ARHGEF28: variants seen among roughly 807,000 people sequenced by gnomAD.
ARHGEF28 encodes the protein 190 kDa guanine nucleotide exchange factor.
In ARHGEF28, 152 loss-of-function variants were observed where a neutral mutation model predicts 206.6. The ratio of observed to expected loss-of-function variants is 0.74; its 90% CI spans 0.64 to 0.84. ARHGEF28 has a LOEUF of 0.84. Ranked by LOEUF, ARHGEF28 falls within the 40% of genes least tolerant of loss-of-function variation. The pLI is 0.00. For synonymous variants in ARHGEF28, 763 were observed against 776.4 expected (o/e 0.98, Z 0.29); for missense variants, 2,028 against 2,073.2 (o/e 0.98, Z 0.42).
At chr5:73,640,303 T>C (rs908721807) in intron 1 of ARHGEF28, among the ~76,000 whole-genome samples, 5 of 152,200 alleles carry the variant, frequency 3.3e-5, no homozygotes, top group African/African-American at 1.2e-4. Context: ...ATAAGCAATA[T>C]ATGAATAGTT....
intron 1 of ARHGEF28, among the ~76,000 whole-genome samples, chr5:73,668,586 A>G (rs1462233613): frequency 6.6e-6 from 1 of 152,160 alleles, no homozygotes; most frequent in East Asian, 1.9e-4. Flanking sequence ...TAAGTTTCCA[A>G]CCCATGCTTT....
intron 4 of ARHGEF28, among the ~76,000 whole-genome samples, chr5:73,769,749 A>T (rs1397938051): frequency 6.6e-6 from 1 of 152,188 alleles, no homozygotes; most frequent in African/African-American, 2.4e-5. Context: ...GGGTTGTAAC[A>T]GTTTACATTT....
chr5:73,818,526 A>AC, intron 9 of ARHGEF28, among the ~76,000 whole-genome samples: 1 of 152,284 alleles, frequency 6.6e-6, no homozygotes, highest in African/African-American at 2.4e-5. Flanking sequence ...AGAAATCCTT[A>AC]TTAAGGAAGG....
chr5:73,923,395 T>C (rs1763627723), intron 35 of ARHGEF28, among the ~76,000 whole-genome samples: 1 of 152,234 alleles, frequency 6.6e-6, no homozygotes, highest in Admixed American at 6.5e-5. Flanking sequence ...ATCTGAACTC[T>C]GTCGGCTGGA....
rs199745400 is a variant in ARHGEF28 at position 73,926,035 on chromosome 5, T to G, written c.4948+14460T>G. 1.2e-4 allele frequency among the ~76,000 whole-genome samples: 19 copies of G among 152,230 alleles called. No homozygotes were observed. In the East Asian group the frequency reaches 3.7e-3, roughly 29 times the overall value. ...TGTGCAACAGCTTTATACTGTGAAA[T>G]AGTGATTGTCCTGACTACAAACCTC... On this transcript the variant is annotated intron_variant, in intron 35 of 35. Coordinates refer to ENST00000513042, the MANE Select transcript of ARHGEF28 (RefSeq NM_001177693.2).
rs1422145802 is a variant in ARHGEF28, at chr5:73,811,932, G to A, written c.1024+16541G>A. The stretch of plus-strand genomic sequence containing the variant: ...CAGGAGGCAGAGGTTGCAATGAGCC[G>A]AGATCCTGCCACTGTACTCCAGCCT... On this transcript the variant is annotated intron_variant, in intron 9 of 35. Coordinates refer to ENST00000513042, the MANE Select transcript of ARHGEF28 (RefSeq NM_001177693.2). Among the ~76,000 whole-genome samples the A allele has an allele frequency of 5.4e-5, 8 of 147,344 alleles. No homozygotes were observed. The Admixed American group carries it at 5.5e-4, about 10-fold the overall frequency.
chr5:73,636,203 C>T (rs1202372212), intron 1 of ARHGEF28, among the ~76,000 whole-genome samples: 3 of 152,110 alleles, frequency 2.0e-5, no homozygotes, highest in Non-Finnish European at 4.4e-5. Context: ...CTATAGATAA[C>T]TTAGGTTGTT....
chr5:73,718,745 C>T (rs1370205476), intron 2 of ARHGEF28, among the ~76,000 whole-genome samples: 2 of 152,186 alleles, frequency 1.3e-5, no homozygotes, highest in African/African-American at 4.8e-5. Context: ...TCACTCTACT[C>T]CTGAGGGACA....
intron 2 of ARHGEF28, among the ~76,000 whole-genome samples, chr5:73,709,504 A>G (rs998264165): frequency 2.6e-5 from 4 of 152,192 alleles, no homozygotes; most frequent in African/African-American, 9.6e-5. Context: ...ATGAAGACAA[A>G]GCTTGTTCCT....
intron 1 of ARHGEF28, among the ~76,000 whole-genome samples, chr5:73,642,049 C>T (rs1173063726): frequency 3.3e-5 from 5 of 152,270 alleles, no homozygotes; most frequent in Middle Eastern, 3.4e-3. Context: ...GGGCTCTAAG[C>T]CCTTGCTCTC....
intron 6 of ARHGEF28, among the ~76,000 whole-genome samples, chr5:73,777,404 T>G (rs1561396871): frequency 6.6e-6 from 1 of 152,196 alleles, no homozygotes; most frequent in Non-Finnish European, 1.5e-5. Context: ...AACCAGATCC[T>G]ATGGCCTCCT....
intron 8 of ARHGEF28, among the ~76,000 whole-genome samples, 154 bp downstream of exon 8, chr5:73,794,608 CT>C (rs137906752): frequency 0.017 from 2,237 of 132,482 alleles, 34 homozygotes; most frequent in African/African-American, 0.047. Context: ...CTTTTTCTTT[CT>C]TTTTTTTTTT....
chr5:73,866,553 G>A (rs900791936), intron 18 of ARHGEF28, among the ~76,000 whole-genome samples: 13 of 152,150 alleles, frequency 8.5e-5, no homozygotes, highest in African/African-American at 3.1e-4. Flanking sequence ...TTAATTAGCT[G>A]TGCTTGAGGC....
intron 11 of ARHGEF28, among the ~76,000 whole-genome samples, chr5:73,843,018 G>A (rs552900585): frequency 5.4e-4 from 81 of 151,266 alleles, no homozygotes; most frequent in African/African-American, 1.8e-3. Context: ...TCTGTCAGGT[G>A]TGTGAGCCCC....
At chr5:73,805,744 A>T (rs775785204) in intron 9 of ARHGEF28, among the ~76,000 whole-genome samples, 4 of 152,192 alleles carry the variant, frequency 2.6e-5, no homozygotes, top group Non-Finnish European at 5.9e-5. Flanking sequence ...ACACGGTTGC[A>T]TACAGAAATA....
Position 73,684,897 on chromosome 5 carries a change from G to T in ARHGEF28, c.33+13G>T. The T allele has an allele frequency of 6.2e-7, 1 of 1,611,614 alleles. No homozygotes were observed. The highest frequency in any genetic ancestry group is 8.5e-7 in the Non-Finnish European group (1 of 1,178,598). ...AGCACCTCTTTACGTAAGTTGCTAAGCACGGGGCTTCAGGTCCAAGGGGCC... is the reference window on the plus strand; with the variant it reads ...AGCACCTCTTTACGTAAGTTGCTAATCACGGGGCTTCAGGTCCAAGGGGCC... On this transcript the variant is annotated intron_variant, in intron 2 of 35. Coordinates refer to ENST00000513042, the MANE Select transcript of ARHGEF28 (RefSeq NM_001177693.2).
intron 9 of ARHGEF28, among the ~76,000 whole-genome samples, chr5:73,825,135 A>G (rs1008118158): frequency 3.9e-5 from 6 of 152,216 alleles, no homozygotes; most frequent in Non-Finnish European, 5.9e-5. Flanking sequence ...CTCATGGAGC[A>G]TATGTTTTAT....
intron 31 of ARHGEF28, 53 bp downstream of exon 31, chr5:73,901,337 A>G: frequency 6.7e-7 from 1 of 1,493,472 alleles, no homozygotes; most frequent in Non-Finnish European, 9.2e-7. Flanking sequence ...GTATAATAAA[A>G]TAGCCTCAGG....
intron 1 of ARHGEF28, among the ~76,000 whole-genome samples, chr5:73,681,464 T>C (rs189321773): frequency 6.6e-6 from 1 of 152,322 alleles, no homozygotes; most frequent in Admixed American, 6.5e-5. Flanking sequence ...CTTGTTAGTA[T>C]TATCTTTAAT....
Sources: gnomAD v4.1 joint callset for allele counts (sites outside exome capture counted in the v4.1 genomes callset) on GRCh38, gnomAD v4.1.1 for gene constraint, MANE v1.5 for transcripts, NCBI Gene and HGNC (gene_info 2026-07-23, HGNC 2026-07-21) for gene names.